The following DOCK1 variants were observed in gnomAD, a reference collection of about 807,000 sequenced individuals.
DOCK1 encodes the protein dedicator of cytokinesis 1, also known as dedicator of cytokinesis protein 1.
Under a neutral mutation model 262.7 loss-of-function variants are expected in DOCK1, and 138 were observed. The ratio of observed to expected loss-of-function variants is 0.53; its 90% CI spans 0.46 to 0.61. DOCK1 has a LOEUF of 0.61. Ranked by LOEUF, DOCK1 falls within the 20% of genes least tolerant of loss-of-function variation. The pLI is 0.00. For synonymous variants in DOCK1, 866 were observed against 867.4 expected (o/e 1.00, Z 0.03); for missense variants, 1,908 against 2,370.7 (o/e 0.80, Z 4.05).
In DOCK1 at chr10:127,261,196, T is replaced by TGC. The variant is rs1345651313; in HGVS notation, c.3044+3768_3044+3769insCG. ...CCCTGCATGTGTGTGCATGCGGGTG[T>TGC]GTGTGTGTACCTGCATGTGTGTGCA... On this transcript the variant is annotated intron_variant, in intron 29 of 51. Transcript: ENST00000623213. Among the ~76,000 whole-genome samples the TGC allele has an allele frequency of 2.2e-5, 3 of 134,482 alleles. No homozygotes were observed. In the East Asian group the frequency reaches 7.2e-4, roughly 32 times the overall value. The allele number at this position is 134,482 out of a possible 152,430, so 88.2% of individuals were successfully genotyped here.
intron 29 of DOCK1, among the ~76,000 whole-genome samples, chr10:127,303,873 T>C (rs985111585): frequency 3.9e-5 from 6 of 152,032 alleles, no homozygotes; most frequent in South Asian, 2.1e-4. Context: ...AGAAATAGTT[T>C]AGTGGCAGGT....
intron 1 of DOCK1, among the ~76,000 whole-genome samples, chr10:126,927,941 C>T (rs2033884014): frequency 6.6e-6 from 1 of 152,094 alleles, no homozygotes; most frequent in Non-Finnish European, 1.5e-5. Context: ...TCAGGGAAGA[C>T]ACCTGCCGTG....
At chr10:126,999,858 G>T (rs577841414) in intron 9 of DOCK1, among the ~76,000 whole-genome samples, 1 of 152,182 alleles carries the variant, frequency 6.6e-6, no homozygotes, top group South Asian at 2.1e-4. Flanking sequence ...TGTATTTTTA[G>T]TAGAGATGGG....
chr10:127,153,703 A>C, intron 27 of DOCK1: 1 of 638,466 alleles, frequency 1.6e-6, no homozygotes, highest in South Asian at 1.9e-5. Flanking sequence ...GGGTATTTAG[A>C]GGTAGCTTAG....
chr10:127,181,923 T>A (rs2055773855), intron 27 of DOCK1, among the ~76,000 whole-genome samples: 1 of 152,220 alleles, frequency 6.6e-6, no homozygotes. Flanking sequence ...CTTAGATTCA[T>A]TATCCGGTTT....
chr10:127,091,027 G>T (rs1355483440), intron 23 of DOCK1, among the ~76,000 whole-genome samples: 4 of 150,546 alleles, frequency 2.7e-5, no homozygotes, highest in African/African-American at 9.9e-5. Context: ...TGTTGCCCAG[G>T]CTGGAGTGCA....
intron 23 of DOCK1, among the ~76,000 whole-genome samples, chr10:127,092,134 A>C (rs1052185373): frequency 1.2e-4 from 18 of 152,228 alleles, no homozygotes; most frequent in Non-Finnish European, 2.6e-4. Context: ...GAGCTGCTGT[A>C]GAATAGTCCC....
In DOCK1 at chr10:127,012,400, A is replaced by T; in HGVS notation, c.1201+26A>T. On this transcript the variant is annotated intron_variant, in intron 12 of 51. Coordinates refer to ENST00000623213, the MANE Select transcript of DOCK1 (RefSeq NM_001290223.2). The surrounding 1 kb of genome is among the most constrained non-coding windows in gnomAD (Gnocchi z 4.0). ...GTACGTATTTTCCTATTTTGTTTCT[A>T]TCAGCGTGTATTTGCATGCGTTGGG... is the stretch of plus-strand genomic sequence containing the variant. 1 of 1,611,630 alleles carries T rather than the reference A, an allele frequency of 6.2e-7. No homozygotes were observed. Among genetic ancestry groups the T allele is most frequent in the South Asian group, 1.1e-5 (1 of 90,980 alleles).
At chr10:127,403,288 G>T in intron 39 of DOCK1, 144 bp downstream of exon 39, 1 of 766,014 alleles carries the variant, frequency 1.3e-6, no homozygotes, top group Non-Finnish European at 2.0e-6. Context: ...CTAGGAAGAT[G>T]GTTTTAGTTA....
At chr10:127,414,808 TC>T (rs2068063927) in intron 43 of DOCK1, among the ~76,000 whole-genome samples, 1 of 152,384 alleles carries the variant, frequency 6.6e-6, no homozygotes, top group Admixed American at 6.5e-5. Context: ...TTTGGAGCCT[TC>T]CTCAAAATCT....
chr10:126,976,188 GGCGC>G (rs2038528634), intron 2 of DOCK1, among the ~76,000 whole-genome samples: 1 of 152,116 alleles, frequency 6.6e-6, no homozygotes, highest in Non-Finnish European at 1.5e-5. Flanking sequence ...GTCATAGATG[GGCGC>G]TGATACTGGG....
intron 1 of DOCK1, among the ~76,000 whole-genome samples, chr10:126,934,115 C>A (rs1331517647): frequency 6.6e-6 from 1 of 152,160 alleles, no homozygotes; most frequent in East Asian, 1.9e-4. Context: ...CTGCACCCAA[C>A]CTATTTTACT....
intron 8 of DOCK1, chr10:126,998,636 T>C (rs2040377391): frequency 6.0e-6 from 1 of 167,190 alleles, no homozygotes; most frequent in African/African-American, 2.4e-5. Context: ...ATGAATGCCA[T>C]TTCTGTGAGT....
At chr10:127,398,746 C>T (rs889441897) in intron 38 of DOCK1, among the ~76,000 whole-genome samples, 7 of 152,154 alleles carry the variant, frequency 4.6e-5, no homozygotes, top group Non-Finnish European at 8.8e-5. Flanking sequence ...CAGAGTCGCC[C>T]ACCAGTATCC....
intron 32 of DOCK1, among the ~76,000 whole-genome samples, chr10:127,358,055 G>A (rs2064231472): frequency 6.6e-6 from 1 of 151,758 alleles, no homozygotes; most frequent in African/African-American, 2.4e-5. Flanking sequence ...GGAACATATT[G>A]GCAGGATGAT....
chr10:126,912,044 CCTCT>C (rs2031847485), intron 1 of DOCK1, among the ~76,000 whole-genome samples: 1 of 152,142 alleles, frequency 6.6e-6, no homozygotes, highest in African/African-American at 2.4e-5. Context: ...TCTTCTGAGA[CCTCT>C]CTCCTTGGGT....
intron 23 of DOCK1, among the ~76,000 whole-genome samples, chr10:127,087,996 C>T (rs950553081): frequency 2.0e-5 from 3 of 152,160 alleles, no homozygotes; most frequent in Admixed American, 6.5e-5. Flanking sequence ...TGCCAGCGTT[C>T]GTATTTAATT....
chr10:127,334,981 C>T (rs1342228618), intron 29 of DOCK1, among the ~76,000 whole-genome samples: 2 of 152,230 alleles, frequency 1.3e-5, no homozygotes, highest in South Asian at 2.1e-4. Flanking sequence ...TCAGGGAGAG[C>T]CAGGGGCAAC....
intron 21 of DOCK1, among the ~76,000 whole-genome samples, chr10:127,045,533 C>A (rs563746771): frequency 6.6e-6 from 1 of 152,224 alleles, no homozygotes; most frequent in South Asian, 2.1e-4. Context: ...TAGGTACAGG[C>A]TTACTTTAGA....
Sources: allele counts gnomAD v4.1 joint callset (sites outside exome capture counted in the v4.1 genomes callset), GRCh38; gene constraint gnomAD v4.1.1; non-coding constraint Gnocchi (gnomAD v3.1); transcripts MANE v1.5; gene names NCBI Gene and HGNC (gene_info 2026-07-23, HGNC 2026-07-21).